Variants in RELN observed in about 807,000 individuals in gnomAD.
RELN encodes the protein reelin.
A neutral mutation model predicts 427.6 loss-of-function variants in RELN; 108 were observed. The observed-to-expected ratio is 0.25, with a 90% CI of 0.22 to 0.30. The LOEUF (loss-of-function observed/expected upper bound fraction) is 0.30. RELN is among the 10% of genes least tolerant of loss of function. The probability of loss-of-function intolerance (pLI) is 1.00; values close to 1 mark genes in which losing one functional copy is unlikely to be tolerated. For missense variants in RELN, 3,715 were observed against 4,302.8 expected (o/e 0.86, Z 3.82); for synonymous variants, 1,524 against 1,513.4 (o/e 1.01, Z -0.16).
At chr7:103,815,876 T>C (rs920605762) in intron 3 of RELN, among the ~76,000 whole-genome samples, 3 of 152,212 alleles carry the variant, frequency 2.0e-5, no homozygotes, top group African/African-American at 7.2e-5. Flanking sequence ...CAAAAATGTA[T>C]TTCAAGGGTT....
chr7:103,899,880 A>C (rs1795044772), intron 2 of RELN, among the ~76,000 whole-genome samples: 3 of 152,180 alleles, frequency 2.0e-5, no homozygotes, highest in Admixed American at 2.0e-4. Context: ...TCCTTTGAAA[A>C]CCAGCACAAG....
chr7:103,591,650 T>C lies in RELN; in HGVS notation c.3913-1822A>G, dbSNP rs1007655554. Among the ~76,000 whole-genome samples the C allele has an allele frequency of 3.9e-5, 6 of 152,306 alleles. No individual in the cohort carries two copies. In the South Asian group the frequency reaches 1.2e-3, roughly 32 times the overall value. On this transcript the variant is annotated intron_variant, in intron 27 of 64. Transcript: ENST00000428762. ...GTAACAGTGGCCTTTGGTTGGTGTG[T>C]GGTGAGAGCAGCCACATTGGGCACA... is the stretch of plus-strand genomic sequence containing the variant.
In RELN at chr7:103,565,375, T is replaced by C. The variant is rs1562894439; in HGVS notation, c.5113A>G (p.Thr1705Ala). Residue 1705 changes from threonine (T) to alanine (A), a missense_variant, in exon 34 of 65, where the codon ACC becomes GCC. Thr to Ala is a moderately conservative substitution (Grantham distance 58). This residue lies in a region of RELN where 2,208 missense variants were observed against 2,361.7 expected (regional missense o/e 0.93). Transcript: ENST00000428762. ...TCCGTGTAATGCAGACAGCCAATGG[T>C]TGGAGGAACACACTCTTCGGTGACA... The part of the protein sequence containing the change: ...HLVTEECVPP[T>A]IGCLHYTESS... 6.2e-7 allele frequency: 1 copy of C among 1,614,050 alleles called. No homozygotes were observed. The highest frequency in any genetic ancestry group is 1.6e-4 in the Middle Eastern group (1 of 6,062).
intron 10 of RELN, among the ~76,000 whole-genome samples, chr7:103,692,003 T>C (rs1331691574): frequency 6.6e-6 from 1 of 152,148 alleles, no homozygotes; most frequent in East Asian, 1.9e-4. Context: ...ACCACATGGC[T>C]AACAAATGGT....
chr7:103,535,466 G>C lies in RELN; in HGVS notation c.7199C>G (p.Ser2400Ter). 1 of 1,613,978 alleles carries C rather than the reference G, an allele frequency of 6.2e-7. No individual in the cohort carries two copies. The highest frequency in any genetic ancestry group is 8.5e-7 in the Non-Finnish European group (1 of 1,179,898). The change falls in exon 46 of 65, where the codon TCA (serine) becomes TGA (stop). Residue 2400 changes from serine to a stop codon, truncating the protein, a stop_gained. Transcript: ENST00000428762. LOFTEE classifies it high-confidence loss of function. ...DSCYAIELEYSVDLGLSWHPL... is the reference protein window; with the variant it reads ...DSCYAIELEY ...GTGCCATGACAATCCAAGATCTACT[G>C]AGTATTCCAATTCAATCGCTGAAAC...
chr7:103,937,772 T>C (rs918120820), intron 1 of RELN, among the ~76,000 whole-genome samples: 4 of 152,190 alleles, frequency 2.6e-5, no homozygotes, highest in Non-Finnish European at 4.4e-5. Flanking sequence ...AACAAATATG[T>C]TAAAATGGTC....
intron 20 of RELN, among the ~76,000 whole-genome samples, chr7:103,616,594 G>A (rs998255279): frequency 2.6e-5 from 4 of 152,110 alleles, no homozygotes; most frequent in Admixed American, 2.0e-4. Flanking sequence ...ACCTTCTAGA[G>A]ATGACCACAA....
At position 103,678,980 on chromosome 7, in the gene RELN, C is replaced by A. The variant is rs543487408; in HGVS notation, c.1289+3136G>T. 1.4e-4 allele frequency among the ~76,000 whole-genome samples: 21 copies of A among 152,244 alleles called. No homozygotes were observed. The South Asian group carries it at 3.9e-3, about 29-fold the overall frequency. On this transcript the variant is annotated intron_variant, in intron 11 of 64. Transcript: ENST00000428762. ...ACAGAACGCATCAAGAATTTTACTA[C>A]CAAATTTTTAATCTGTTTTTCTTTG... is the stretch of plus-strand genomic sequence containing the variant.
intron 1 of RELN, among the ~76,000 whole-genome samples, chr7:103,964,266 G>T (rs138887635): frequency 1.4e-4 from 21 of 152,284 alleles, no homozygotes; most frequent in South Asian, 4.1e-4. Flanking sequence ...AGAAGCAAAA[G>T]AAATTGGAGT....
At chr7:103,806,636 T>C (rs1792607631) in intron 3 of RELN, among the ~76,000 whole-genome samples, 1 of 152,116 alleles carries the variant, frequency 6.6e-6, no homozygotes, top group Admixed American at 6.6e-5. Flanking sequence ...TAAGCACTTC[T>C]TATGGAAAAA....
intron 7 of RELN, 86 bp downstream of exon 7, chr7:103,728,025 C>G (rs1013131777): frequency 1.6e-6 from 2 of 1,267,426 alleles, no homozygotes; most frequent in African/African-American, 2.9e-5. Flanking sequence ...TTCATCTGAA[C>G]TTTAAGAGCA....
intron 1 of RELN, among the ~76,000 whole-genome samples, chr7:103,924,377 G>A (rs1373566709): frequency 2.6e-5 from 4 of 152,064 alleles, no homozygotes; most frequent in African/African-American, 9.7e-5. Context: ...AGGACTAAAC[G>A]CAGTGTGATA....
intron 28 of RELN, among the ~76,000 whole-genome samples, chr7:103,579,886 T>C (rs180905670): frequency 1.6e-3 from 245 of 152,310 alleles, no homozygotes; most frequent in African/African-American, 5.7e-3. Context: ...TTCTGAAGAA[T>C]ACTAAGCAAC....
At chr7:103,847,331 C>T (rs1793704449) in intron 2 of RELN, among the ~76,000 whole-genome samples, 1 of 152,108 alleles carries the variant, frequency 6.6e-6, no homozygotes, top group Admixed American at 6.5e-5. Flanking sequence ...AAACCAAGCA[C>T]CGCATGTTCT....
At chr7:103,546,551 C>A (rs1562883749) in intron 41 of RELN, among the ~76,000 whole-genome samples, 1 of 152,108 alleles carries the variant, frequency 6.6e-6, no homozygotes, top group Admixed American at 6.5e-5. Context: ...AAATGACAAT[C>A]TTTTAAATTT....
intron 4 of RELN, among the ~76,000 whole-genome samples, chr7:103,770,629 A>T (rs1434173133): frequency 6.8e-6 from 1 of 147,574 alleles, no homozygotes; most frequent in Non-Finnish European, 1.5e-5. Flanking sequence ...CTGGGTGCCT[A>T]CCTCTTTCCT....
intron 16 of RELN, among the ~76,000 whole-genome samples, chr7:103,641,357 A>G (rs913599246): frequency 1.5e-4 from 23 of 152,190 alleles, no homozygotes; most frequent in African/African-American, 5.3e-4. Context: ...TATTTACATA[A>G]TTTTATTGTA....
intron 4 of RELN, among the ~76,000 whole-genome samples, chr7:103,760,005 T>C (rs1791257496): frequency 1.0e-5 from 1 of 99,256 alleles, no homozygotes; most frequent in Non-Finnish European, 2.3e-5. Context: ...TTTTTTTTTT[T>C]TTTTTTTTTT....
chr7:103,877,287 G>A (rs1458857147), intron 2 of RELN, among the ~76,000 whole-genome samples: 2 of 152,042 alleles, frequency 1.3e-5, no homozygotes, highest in African/African-American at 4.8e-5. Context: ...GCTCCTTACA[G>A]TTGCATATTG....
Sources: allele counts gnomAD v4.1 joint callset (sites outside exome capture counted in the v4.1 genomes callset), GRCh38; gene constraint gnomAD v4.1.1; regional missense constraint gnomAD v4.1.1; transcripts MANE v1.5; gene names NCBI Gene and HGNC (gene_info 2026-07-23, HGNC 2026-07-21).